GTF2E2: variants seen among roughly 807,000 people sequenced by gnomAD.
The protein encoded by GTF2E2 is general transcription factor IIE subunit 2.
In GTF2E2, 21 loss-of-function variants were observed where a neutral mutation model predicts 40.5. That is an observed-to-expected ratio of 0.52 (90% CI 0.37 to 0.75). GTF2E2 has a LOEUF of 0.75. GTF2E2 is among the 30% of genes least tolerant of loss of function. The pLI is 0.00. For synonymous variants in GTF2E2, 117 were observed against 121.6 expected (o/e 0.96, Z 0.25); for missense variants, 298 against 338.4 (o/e 0.88, Z 0.94).
intron 6 of GTF2E2, among the ~76,000 whole-genome samples, chr8:30,588,042 G>A (rs1828734332): frequency 6.6e-6 from 1 of 152,158 alleles, no homozygotes; most frequent in African/African-American, 2.4e-5. Context: ...ACACCTGTGA[G>A]AATGGTTATC....
chr8:30,637,945 C>A (rs1801667104), intron 2 of GTF2E2, among the ~76,000 whole-genome samples: 2 of 152,226 alleles, frequency 1.3e-5, no homozygotes, highest in South Asian at 4.1e-4. Flanking sequence ...CTAAATAATA[C>A]ACAGTAACTA....
intron 2 of GTF2E2, among the ~76,000 whole-genome samples, chr8:30,650,323 C>CT (rs1802229245): frequency 6.6e-6 from 1 of 152,092 alleles, no homozygotes; most frequent in Admixed American, 6.5e-5. Context: ...TATTAATAGA[C>CT]TAAAGAGTGA....
chr8:30,607,096 A>G lies in GTF2E2; in HGVS notation c.604T>C (p.Phe202Leu). ...AACTGACAGCTCTTATCATTGAAGA[A>G]AAGTATTTTCTTCTTATCGGGACGA... ...VNRPDKKKIL[F>L]FNDKSCQFSV... The change falls in exon 6 of 8, where the codon TTC (phenylalanine) becomes CTC (leucine). Residue 202 changes from phenylalanine to leucine, a missense_variant. Transcript: ENST00000355904. 6.7e-7 allele frequency: 1 copy of G among 1,493,778 alleles called. No individual in the cohort carries two copies. Among genetic ancestry groups the G allele is most frequent in the Non-Finnish European group, 9.2e-7 (1 of 1,082,336 alleles). The allele number at this position is 1,493,778 out of a possible 1,614,324, so 92.5% of individuals were successfully genotyped here. A position where few individuals can be genotyped will look rare whatever the true frequency, so the allele number is the denominator to read the frequency against.
chr8:30,622,838 G>C (rs779468990), intron 3 of GTF2E2, among the ~76,000 whole-genome samples: 1 of 152,136 alleles, frequency 6.6e-6, no homozygotes, highest in Non-Finnish European at 1.5e-5. Context: ...CTCACCGGTG[G>C]TCAGAGTTTA....
rs780571452 is a variant in GTF2E2, at chr8:30,607,114, C to T, written c.586G>A (p.Asp196Asn). ...TTGAAGAAAAGTATTTTCTTCTTAT[C>T]GGGACGATTTACAAATAGTATCTGG... ...GDQILFVNRP[D>N]KKKILFFNDK... The change falls in exon 6 of 8, where the codon GAT (aspartate) becomes AAT (asparagine). Residue 196 changes from aspartate to asparagine, a missense_variant. By Grantham distance (23) the Asp-to-Asn change is conservative. Coordinates refer to ENST00000355904, the MANE Select transcript of GTF2E2 (RefSeq NM_002095.6). 4.7e-6 allele frequency: 7 copies of T among 1,490,698 alleles called. No individual in the cohort carries two copies. Among genetic ancestry groups the T allele is most frequent in the Middle Eastern group, 1.7e-4 (1 of 5,746 alleles). The allele number at this position is 1,490,698 out of a possible 1,614,324, so 92.3% of individuals were successfully genotyped here. A position where few individuals can be genotyped will look rare whatever the true frequency, so the allele number is the denominator to read the frequency against.
intron 6 of GTF2E2, among the ~76,000 whole-genome samples, chr8:30,603,906 A>C (rs934202552): frequency 2.0e-5 from 3 of 152,272 alleles, no homozygotes; most frequent in Non-Finnish European, 2.9e-5. Context: ...ACGCTCTGAA[A>C]AACCGCACAC....
chr8:30,627,518 C>T (rs948186133), intron 3 of GTF2E2, among the ~76,000 whole-genome samples: 4 of 150,600 alleles, frequency 2.7e-5, no homozygotes, highest in East Asian at 3.9e-4. Context: ...CAAAAATCCT[C>T]GGAAATGAAA....
intron 3 of GTF2E2, among the ~76,000 whole-genome samples, chr8:30,627,670 A>AATT (rs989757005): frequency 2.6e-5 from 4 of 152,172 alleles, no homozygotes; most frequent in African/African-American, 9.7e-5. Context: ...ACTATTTAAA[A>AATT]AAAGTCTTGA....
chr8:30,633,026 TTC>T (rs1801487828), intron 3 of GTF2E2, among the ~76,000 whole-genome samples: 1 of 152,168 alleles, frequency 6.6e-6, no homozygotes, highest in African/African-American at 2.4e-5. Context: ...AAGAATAAAT[TTC>T]TGATACAAAG....
intron 6 of GTF2E2, among the ~76,000 whole-genome samples, chr8:30,594,929 A>G (rs1302180105): frequency 3.9e-5 from 6 of 151,980 alleles, no homozygotes; most frequent in Non-Finnish European, 8.8e-5. Context: ...TGTTTAGACC[A>G]TTTACATTTA....
chr8:30,624,980 C>T (rs1179841927), intron 3 of GTF2E2, among the ~76,000 whole-genome samples: 1 of 151,708 alleles, frequency 6.6e-6, no homozygotes, highest in African/African-American at 2.4e-5. Context: ...TTCCTCTTTC[C>T]TAAATGAATA....
At chr8:30,640,411 T>A (rs1273403140) in intron 2 of GTF2E2, among the ~76,000 whole-genome samples, 3 of 151,822 alleles carry the variant, frequency 2.0e-5, no homozygotes, top group Admixed American at 2.0e-4. Context: ...AGTAAACATA[T>A]CAAAATGGGA....
chr8:30,608,867 G>T (rs1829398542), intron 5 of GTF2E2, among the ~76,000 whole-genome samples: 1 of 152,182 alleles, frequency 6.6e-6, no homozygotes, highest in Admixed American at 6.5e-5. Context: ...TCCTGCCTCA[G>T]CCTCCCGAGT....
At chr8:30,619,496 C>CCGACACCCAGGCAGGAG (rs1563491463) in intron 3 of GTF2E2, among the ~76,000 whole-genome samples, 1 of 151,396 alleles carries the variant, frequency 6.6e-6, no homozygotes, top group African/African-American at 2.4e-5. Flanking sequence ...TCAAGCAATT[C>CCGACACCCAGGCAGGAG]TCCTGCTTCA....
At chr8:30,650,756 C>G (rs113874784) in intron 2 of GTF2E2, among the ~76,000 whole-genome samples, 1,951 of 151,562 alleles carry the variant, frequency 0.013, 49 homozygotes, top group African/African-American at 0.044. Flanking sequence ...TGGCTCACGC[C>G]TGTAATCCCA....
intron 3 of GTF2E2, among the ~76,000 whole-genome samples, chr8:30,628,669 C>T (rs79452645): frequency 2.0e-5 from 3 of 152,294 alleles, no homozygotes; most frequent in African/African-American, 7.2e-5. Context: ...TGTTGGCTCA[C>T]GCCTGTAATC....
intron 2 of GTF2E2, among the ~76,000 whole-genome samples, chr8:30,645,083 A>G (rs1294902684): frequency 7.2e-5 from 11 of 152,134 alleles, no homozygotes. Context: ...TCTAGCAAAT[A>G]ATATATGTTA....
intron 2 of GTF2E2, among the ~76,000 whole-genome samples, chr8:30,648,389 G>A (rs559669496): frequency 6.6e-6 from 1 of 152,350 alleles, no homozygotes; most frequent in Non-Finnish European, 1.5e-5. Context: ...GCTGTATGAA[G>A]AATGAACACT....
intron 3 of GTF2E2, among the ~76,000 whole-genome samples, chr8:30,624,796 T>A (rs1170801878): frequency 1.3e-5 from 2 of 152,164 alleles, no homozygotes. Flanking sequence ...AGTTCACTCA[T>A]GATTTGGCTG....
Sources: allele counts gnomAD v4.1 joint callset (sites outside exome capture counted in the v4.1 genomes callset), GRCh38; gene constraint gnomAD v4.1.1; transcripts MANE v1.5; gene names NCBI Gene and HGNC (gene_info 2026-07-23, HGNC 2026-07-21).